The following ASTN2 variants were observed in gnomAD, a reference collection of about 807,000 sequenced individuals.
ASTN2 encodes the protein astrotactin-2.
ASTN2 carries 54 observed loss-of-function variants against 139.8 expected under a neutral mutation model. The observed-to-expected ratio is 0.39, with a 90% CI of 0.31 to 0.48. ASTN2 has a LOEUF of 0.48. ASTN2 is among the 20% of genes least tolerant of loss of function. The pLI, the probability that ASTN2 is intolerant of heterozygous loss-of-function variation, is 0.95. For synonymous variants in ASTN2, 756 were observed against 719.5 expected, an observed-to-expected ratio of 1.05 and a Z score of -0.81; for missense variants, 1,565 against 1,725.1, an observed-to-expected ratio of 0.91 and a Z score of 1.64.
intron 19 of ASTN2, among the ~76,000 whole-genome samples, chr9:116,499,107 T>C (rs1377339616): frequency 2.6e-5 from 4 of 152,248 alleles, no homozygotes; most frequent in Non-Finnish European, 5.9e-5. Flanking sequence ...CTCTCAGTTA[T>C]GCCCCACCAG....
At position 117,414,623 on chromosome 9, in the gene ASTN2, C is replaced by T; in HGVS notation, c.316G>A (p.Gly106Ser). 1.4e-6 allele frequency: 2 copies of T among 1,477,442 alleles called. No individual in the cohort carries two copies. The highest frequency in any genetic ancestry group is 1.8e-6 in the Non-Finnish European group (2 of 1,120,840). The allele number at this position is 1,477,442 out of a possible 1,614,324, so 91.5% of individuals were successfully genotyped here. ...AGAAAAAASPGSPGSAGTAAE... is the reference protein window; with the variant it reads ...AGAAAAAASPSSPGSAGTAAE... ...GCGGTGCCGGCAGAGCCAGGAGAGC[C>T]CGGGGACGCGGCGGCGGCGGCGGCT... Residue 106 changes from glycine to serine, a missense_variant, in exon 1 of 23, where the codon GGC becomes AGC. Physicochemically the swap from Gly to Ser is moderately conservative, Grantham distance 56. This residue lies in a region of ASTN2 where 596 missense variants were observed against 576.8 expected (regional missense o/e 1.03). Transcript: ENST00000313400. The surrounding 1 kb of genome is among the most constrained non-coding windows in gnomAD (Gnocchi z 4.2).
At chr9:116,489,322 T>C (rs1849437872) in intron 19 of ASTN2, among the ~76,000 whole-genome samples, 1 of 152,022 alleles carries the variant, frequency 6.6e-6, no homozygotes, top group Non-Finnish European at 1.5e-5. Flanking sequence ...TTTATTTATT[T>C]ATTTATTTTT....
In ASTN2 at chr9:117,005,281, G is replaced by A. The variant is rs1309754748; in HGVS notation, c.1591+2811C>T. ...TTTTTTTTGTATTTTAGTAGACAGG[G>A]TTTCACCATGTTGGCCAGGATGGTC... On this transcript the variant is annotated intron_variant, in intron 7 of 22. Transcript: ENST00000313400. Among the ~76,000 whole-genome samples the A allele has an allele frequency of 5.3e-5, 8 of 151,308 alleles. No homozygotes were observed. The East Asian group carries it at 1.6e-3, about 29-fold the overall frequency.
At chr9:116,489,226 G>A (rs1319557341) in intron 19 of ASTN2, among the ~76,000 whole-genome samples, 2 of 152,198 alleles carry the variant, frequency 1.3e-5, no homozygotes, top group African/African-American at 4.8e-5. Context: ...GAGCAGCTTG[G>A]TGGTGCTTCT....
At chr9:116,932,027 G>C (rs767574578) in intron 10 of ASTN2, among the ~76,000 whole-genome samples, 2 of 152,104 alleles carry the variant, frequency 1.3e-5, no homozygotes, top group Non-Finnish European at 2.9e-5. Flanking sequence ...GGGGTGGTAG[G>C]GGGAAGGGGT....
chr9:116,517,335 C>T (rs1850693736), intron 19 of ASTN2, among the ~76,000 whole-genome samples: 2 of 152,212 alleles, frequency 1.3e-5, no homozygotes, highest in Admixed American at 1.3e-4. Context: ...GATAACATTA[C>T]AGGACTCTTT....
intron 4 of ASTN2, among the ~76,000 whole-genome samples, chr9:117,128,669 C>G (rs1277621240): frequency 2.6e-5 from 4 of 152,188 alleles, no homozygotes; most frequent in Non-Finnish European, 5.9e-5. Flanking sequence ...GTTAGCTTGG[C>G]CTATGCCTAG....
intron 10 of ASTN2, among the ~76,000 whole-genome samples, chr9:116,948,783 G>GGGTT: frequency 2.0e-5 from 1 of 49,406 alleles, no homozygotes; most frequent in Non-Finnish European, 3.4e-5. Context: ...AAATAATTTG[G>GGGTT]TGTTTTTTTT....
chr9:116,502,073 C>T (rs1849877022), intron 19 of ASTN2, among the ~76,000 whole-genome samples: 1 of 151,928 alleles, frequency 6.6e-6, no homozygotes, highest in Non-Finnish European at 1.5e-5. Context: ...CACCATTTAA[C>T]CAGGCTGAGG....
rs536560864 is a variant in ASTN2 at position 117,304,642 on chromosome 9, T to C, written c.443-13129A>G. Among the ~76,000 whole-genome samples the C allele has an allele frequency of 6.4e-4, 98 of 152,350 alleles. No homozygotes were observed. The South Asian group carries it at 9.9e-3, about 15-fold the overall frequency. On this transcript the variant is annotated intron_variant, in intron 1 of 22. Transcript: ENST00000313400. ...GCTTCAGGAGTGTAGTCTGCCTCTA[T>C]ATTCCTTAAATAAGCTCCATGCCTG...
intron 9 of ASTN2, 84 bp downstream of exon 9, chr9:116,976,030 T>C (rs1420589401): frequency 1.5e-6 from 2 of 1,323,216 alleles, no homozygotes; most frequent in South Asian, 1.2e-5. Flanking sequence ...ACAGGCTCAA[T>C]AGTCTAAGGA....
intron 4 of ASTN2, among the ~76,000 whole-genome samples, chr9:117,136,145 A>C (rs1829946721): frequency 6.6e-6 from 1 of 152,226 alleles, no homozygotes; most frequent in Non-Finnish European, 1.5e-5. Flanking sequence ...ATAACACAAT[A>C]AAAGAGCACA....
chr9:117,323,022 A>C (rs1472466155), intron 1 of ASTN2, among the ~76,000 whole-genome samples: 2 of 152,116 alleles, frequency 1.3e-5, no homozygotes, highest in African/African-American at 4.8e-5. Context: ...CAAAAATACT[A>C]CGGTATTCCA....
rs751426907 is a variant in ASTN2 at position 116,820,651 on chromosome 9, C to T, written c.2173G>A (p.Asp725Asn). Residue 725 changes from aspartate (D) to asparagine (N), a missense_variant, in exon 12 of 23, where the codon GAT (aspartate) becomes AAT (asparagine). Coordinates refer to ENST00000313400, the MANE Select transcript of ASTN2 (RefSeq NM_001365068.1). ...ATGAAGATGGTGCTCGAAGTGGCATCGTAGGGCAGGGGCAGCGTCTGCTGC... is the reference window on the plus strand; with the variant it reads ...ATGAAGATGGTGCTCGAAGTGGCATTGTAGGGCAGGGGCAGCGTCTGCTGC... ...CLQQTLPLPY[D>N]ATSSTIFMFC... The T allele has an allele frequency of 1.1e-5, 17 of 1,614,036 alleles. No individual in the cohort carries two copies. Among genetic ancestry groups the T allele is most frequent in the African/African-American group, 2.7e-5 (2 of 74,938 alleles).
chr9:116,607,670 A>AACACACACACACACACAC (rs57512218), intron 19 of ASTN2, among the ~76,000 whole-genome samples: 1 of 136,284 alleles, frequency 7.3e-6, no homozygotes, highest in African/African-American at 2.8e-5. Flanking sequence ...TTAAGAAATT[A>AACACACACACACACACAC]ACACACACAC....
chr9:116,833,601 A>C (rs555635141), intron 11 of ASTN2, among the ~76,000 whole-genome samples: 1 of 152,116 alleles, frequency 6.6e-6, no homozygotes, highest in South Asian at 2.1e-4. Flanking sequence ...TGTGTCCCCC[A>C]CACAACTTGA....
intron 17 of ASTN2, among the ~76,000 whole-genome samples, chr9:116,626,642 C>A (rs1278169056): frequency 6.6e-6 from 1 of 151,988 alleles, no homozygotes. Flanking sequence ...GGGTTGATAC[C>A]TTTTTTGTCC....
At chr9:116,659,919 C>T (rs1858453481) in intron 16 of ASTN2, among the ~76,000 whole-genome samples, 1 of 152,144 alleles carries the variant, frequency 6.6e-6, no homozygotes, top group African/African-American at 2.4e-5. Flanking sequence ...AGGAACCACA[C>T]TTCTCATCCT....
At chr9:117,357,194 C>G (rs960213654) in intron 1 of ASTN2, among the ~76,000 whole-genome samples, 3 of 152,146 alleles carry the variant, frequency 2.0e-5, no homozygotes, top group African/African-American at 7.2e-5. Context: ...CTTAAAACTA[C>G]ATGCAAATTT....
Sources: allele counts gnomAD v4.1 joint callset (sites outside exome capture counted in the v4.1 genomes callset), GRCh38; gene constraint gnomAD v4.1.1; regional missense constraint gnomAD v4.1.1; non-coding constraint Gnocchi (gnomAD v3.1); transcripts MANE v1.5; gene names NCBI Gene and HGNC (gene_info 2026-07-23, HGNC 2026-07-21).